GRIK2: variants seen among roughly 807,000 people sequenced by gnomAD.
GRIK2 encodes glutamate ionotropic receptor kainate type subunit 2, also known as glutamate receptor ionotropic, kainate 2.
In GRIK2, 32 loss-of-function variants were observed where a neutral mutation model predicts 100.3. The ratio of observed to expected loss-of-function variants is 0.32; its 90% CI spans 0.24 to 0.43. The LOEUF is 0.43. Among genes scored for constraint, GRIK2 ranks in the 20% least tolerant of loss-of-function variants. The pLI is 1.00. For synonymous variants in GRIK2, 417 were observed against 389.4 expected (o/e 1.07, Z -0.83); for missense variants, 843 against 1,114.9 (o/e 0.76, Z 3.47).
chr6:101,791,496 GT>G (rs1562389046), intron 7 of GRIK2, among the ~76,000 whole-genome samples: 1 of 152,166 alleles, frequency 6.6e-6, no homozygotes, highest in Non-Finnish European at 1.5e-5. Context: ...AGGTTGTTCA[GT>G]TTCCATGTAG....
intron 10 of GRIK2, among the ~76,000 whole-genome samples, chr6:101,829,241 G>A (rs1284430281): frequency 6.6e-6 from 1 of 151,502 alleles, no homozygotes; most frequent in Non-Finnish European, 1.5e-5. Context: ...AACAAACCAG[G>A]CATTGAAGAA....
chr6:101,876,627 A>C (rs1373700784), intron 11 of GRIK2, among the ~76,000 whole-genome samples: 1 of 151,844 alleles, frequency 6.6e-6, no homozygotes, highest in Non-Finnish European at 1.5e-5. Flanking sequence ...TTATCAATGC[A>C]CAGTGAGATT....
At chr6:101,801,859 A>G (rs1780691838) in intron 8 of GRIK2, among the ~76,000 whole-genome samples, 1 of 151,928 alleles carries the variant, frequency 6.6e-6, no homozygotes. Context: ...GGGAATGTAT[A>G]TAATTGAGTT....
chr6:101,606,752 T>G (rs1779454050), intron 2 of GRIK2, among the ~76,000 whole-genome samples: 1 of 151,950 alleles, frequency 6.6e-6, no homozygotes, highest in African/African-American at 2.4e-5. Context: ...AAACAAAAGG[T>G]ACCAGAGAAA....
chr6:101,722,603 G>A (rs1774562201), intron 7 of GRIK2, among the ~76,000 whole-genome samples: 1 of 152,004 alleles, frequency 6.6e-6, no homozygotes, highest in African/African-American at 2.4e-5. Context: ...ATTTTATAAG[G>A]CTTCACCTTC....
intron 14 of GRIK2, among the ~76,000 whole-genome samples, chr6:101,949,200 T>A (rs868072652): frequency 0.035 from 5,009 of 142,150 alleles, 287 homozygotes; most frequent in African/African-American, 0.13. Flanking sequence ...GTTTTTGCGA[T>A]TTTTTTTTTT....
At chr6:101,560,700 C>T (rs745343328) in intron 2 of GRIK2, among the ~76,000 whole-genome samples, 1 of 137,260 alleles carries the variant, frequency 7.3e-6, no homozygotes, top group Non-Finnish European at 1.6e-5. Flanking sequence ...TAACTTGATG[C>T]CCTTTGTATC....
At chr6:101,875,132 G>A (rs1188856729) in intron 11 of GRIK2, among the ~76,000 whole-genome samples, 1 of 152,060 alleles carries the variant, frequency 6.6e-6, no homozygotes. Context: ...CCAACACTAT[G>A]TTGAATAGGA....
At chr6:101,823,006 A>G (rs1397315602) in intron 10 of GRIK2, among the ~76,000 whole-genome samples, 1 of 152,214 alleles carries the variant, frequency 6.6e-6, no homozygotes, top group Non-Finnish European at 1.5e-5. Flanking sequence ...ATATGCTAGA[A>G]CTTTGTGATG....
chr6:101,402,274 TCAAA>T (rs1167551380), intron 2 of GRIK2, among the ~76,000 whole-genome samples: 4 of 151,932 alleles, frequency 2.6e-5, no homozygotes, highest in Non-Finnish European at 5.9e-5. Context: ...TCACACACAC[TCAAA>T]CATAGACACG....
chr6:101,795,237 G>A (rs1228093505), intron 7 of GRIK2, among the ~76,000 whole-genome samples: 1 of 152,126 alleles, frequency 6.6e-6, no homozygotes, highest in African/African-American at 2.4e-5. Context: ...CTATGGTATT[G>A]GTTGAGGGGG....
intron 2 of GRIK2, among the ~76,000 whole-genome samples, chr6:101,529,175 T>C (rs1438697747): frequency 6.6e-6 from 1 of 152,164 alleles, no homozygotes; most frequent in Non-Finnish European, 1.5e-5. Flanking sequence ...TGGGATCTAC[T>C]GACCATGGCA....
At chr6:101,916,916 A>C (rs879814260) in intron 12 of GRIK2, among the ~76,000 whole-genome samples, 2 of 151,636 alleles carry the variant, frequency 1.3e-5, no homozygotes, top group African/African-American at 2.4e-5. Flanking sequence ...TTTTAGTCGC[A>C]GGCAAGTCTG....
chr6:101,956,797 A>G (rs1313089772), intron 14 of GRIK2, among the ~76,000 whole-genome samples: 1 of 146,920 alleles, frequency 6.8e-6, no homozygotes, highest in Non-Finnish European at 1.5e-5. Flanking sequence ...ATTTTCTTAT[A>G]TATATCAATA....
chr6:101,481,938 C>T (rs750053025), intron 2 of GRIK2, among the ~76,000 whole-genome samples: 1 of 152,126 alleles, frequency 6.6e-6, no homozygotes, highest in African/African-American at 2.4e-5. Flanking sequence ...GTTCCTTCTG[C>T]GTTCATTCTC....
chr6:101,789,387 G>C (rs2128406762), intron 7 of GRIK2, among the ~76,000 whole-genome samples: 1 of 152,210 alleles, frequency 6.6e-6, no homozygotes, highest in Non-Finnish European at 1.5e-5. Context: ...TTTGTATAAG[G>C]TGTAAGGAAG....
chr6:101,985,433 T>C (rs1174034327), intron 14 of GRIK2, among the ~76,000 whole-genome samples: 1 of 151,788 alleles, frequency 6.6e-6, no homozygotes, highest in African/African-American at 2.4e-5. Flanking sequence ...GGTGACATTC[T>C]GGCTTTTGGC....
intron 14 of GRIK2, chr6:101,993,906 A>G (rs1794512283): frequency 6.8e-6 from 1 of 147,938 alleles, no homozygotes; most frequent in Non-Finnish European, 1.5e-5. Context: ...ATACACACAT[A>G]TATTAATATA....
At chr6:101,920,004 C>A (rs1789384651) in intron 12 of GRIK2, among the ~76,000 whole-genome samples, 1 of 151,758 alleles carries the variant, frequency 6.6e-6, no homozygotes, top group Non-Finnish European at 1.5e-5. Context: ...TTTTTAAAAA[C>A]CTTGTGCTAA....
Sources: allele counts gnomAD v4.1 joint callset (sites outside exome capture counted in the v4.1 genomes callset), GRCh38; gene constraint gnomAD v4.1.1; transcripts MANE v1.5; gene names NCBI Gene and HGNC (gene_info 2026-07-23, HGNC 2026-07-21).